CERS4: variants seen among roughly 807,000 people sequenced by gnomAD.
CERS4 encodes LAG1 homolog, ceramide synthase 4.
In CERS4, 65 loss-of-function variants were observed where a neutral mutation model predicts 51.8. The ratio of observed to expected loss-of-function variants is 1.26; its 90% CI spans 1.03 to 1.54. The LOEUF (loss-of-function observed/expected upper bound fraction) is 1.54. Among genes scored for constraint, CERS4 ranks in the 40% most tolerant of loss-of-function variants. CERS4 has a pLI of 0.00. For synonymous variants in CERS4, 228 were observed against 208.4 expected (o/e 1.09, Z -0.81); for missense variants, 563 against 500.4 (o/e 1.13, Z -1.19).
intron 2 of CERS4, among the ~76,000 whole-genome samples, chr19:8,213,764 G>A (rs1042879104): frequency 6.6e-6 from 1 of 151,950 alleles, no homozygotes; most frequent in African/African-American, 2.4e-5. Flanking sequence ...TCAGGAGTTC[G>A]AGACCAGCCT....
intron 2 of CERS4, among the ~76,000 whole-genome samples, chr19:8,240,042 T>C (rs1968457731): frequency 6.6e-6 from 1 of 152,016 alleles, no homozygotes; most frequent in South Asian, 2.1e-4. Context: ...GTGGCCTCTT[T>C]GGTGGTAGTC....
At chr19:8,254,244 A>G (rs1461840229) in intron 3 of CERS4, among the ~76,000 whole-genome samples, 1 of 135,364 alleles carries the variant, frequency 7.4e-6, no homozygotes, top group Non-Finnish European at 1.6e-5. Flanking sequence ...AATGGCGTGA[A>G]CCCGGGAGGC....
intron 10 of CERS4, among the ~76,000 whole-genome samples, chr19:8,260,453 G>A (rs1333268417): frequency 1.0e-4 from 15 of 144,916 alleles, no homozygotes; most frequent in African/African-American, 3.0e-4. Flanking sequence ...TGATCCACCC[G>A]CCTCCACCTC....
At chr19:8,237,750 C>G (rs1968331142) in intron 2 of CERS4, among the ~76,000 whole-genome samples, 1 of 152,040 alleles carries the variant, frequency 6.6e-6, no homozygotes, top group Non-Finnish European at 1.5e-5. Flanking sequence ...ACTCAGGAGG[C>G]TGAGGCAGGA....
At chr19:8,232,004 T>A (rs1181914857) in intron 2 of CERS4, among the ~76,000 whole-genome samples, 2 of 151,272 alleles carry the variant, frequency 1.3e-5, no homozygotes, top group African/African-American at 4.9e-5. Flanking sequence ...TTTCTTTTTT[T>A]TTTTTGGTAG....
At chr19:8,219,708 A>T (rs1163801570) in intron 2 of CERS4, among the ~76,000 whole-genome samples, 2 of 151,964 alleles carry the variant, frequency 1.3e-5, no homozygotes, top group African/African-American at 4.8e-5. Context: ...AACTCCAGCT[A>T]CTCAGGAGGC....
chr19:8,214,358 C>T (rs1967203333), intron 2 of CERS4: 1 of 152,388 alleles, frequency 6.6e-6, no homozygotes, highest in Non-Finnish European at 1.5e-5. Flanking sequence ...GAGCTGATGT[C>T]CCCGCAGGGA....
At chr19:8,241,781 T>G (rs1430889051) in intron 2 of CERS4, among the ~76,000 whole-genome samples, 1 of 151,746 alleles carries the variant, frequency 6.6e-6, no homozygotes, top group Non-Finnish European at 1.5e-5. Flanking sequence ...CAGCATGGAG[T>G]GTTTATAAAC....
At chr19:8,217,773 G>T (rs190071893) in intron 2 of CERS4, among the ~76,000 whole-genome samples, 53 of 152,052 alleles carry the variant, frequency 3.5e-4, no homozygotes, top group Non-Finnish European at 6.6e-4. Context: ...TCCTGACCTC[G>T]TGATCCGCCC....
intron 2 of CERS4, among the ~76,000 whole-genome samples, chr19:8,245,412 G>A (rs1350837016): frequency 1.3e-5 from 2 of 151,362 alleles, no homozygotes; most frequent in South Asian, 2.1e-4. Context: ...CACCTTGCCC[G>A]GCTAATTTTT....
chr19:8,262,103 C>T lies in CERS4; in HGVS notation c.1179C>T (p.Ala393=). Reference sequence around the variant, plus strand: ...GTCTGACCAACAGGCACACAACAGCCACATAGCCGGGCGGGGCTGGCTGTA... The same window carrying T: ...GTCTGACCAACAGGCACACAACAGCTACATAGCCGGGCGGGGCTGGCTGTA... ...AGRLTNRHTT[A]T Residue 393 remains alanine (A), a synonymous_variant, in exon 12 of 12, where the codon GCC becomes GCT. Transcript: ENST00000251363. 3 of 1,485,732 alleles carry T rather than the reference C, an allele frequency of 2.0e-6. No homozygotes were observed. Among genetic ancestry groups the T allele is most frequent in the Non-Finnish European group, 2.7e-6 (3 of 1,121,856 alleles). 92.0% of individuals were successfully genotyped at this position (1,485,732 alleles called of 1,614,324 possible).
At chr19:8,212,447 C>T (rs902245383) in intron 2 of CERS4, among the ~76,000 whole-genome samples, 5 of 152,046 alleles carry the variant, frequency 3.3e-5, no homozygotes, top group Admixed American at 1.3e-4. Flanking sequence ...GCTAGACACC[C>T]AGGTGGTACG....
At chr19:8,225,986 A>G (rs1967771684) in intron 2 of CERS4, among the ~76,000 whole-genome samples, 2 of 151,982 alleles carry the variant, frequency 1.3e-5, no homozygotes, top group African/African-American at 4.8e-5. Flanking sequence ...ATTTAAGTAC[A>G]GGAGTTCAAG....
In CERS4 at chr19:8,255,666, G is replaced by A; in HGVS notation, c.351G>A (p.Trp117Ter). 1 of 1,613,216 alleles carries A rather than the reference G, an allele frequency of 6.2e-7. No individual in the cohort carries two copies. Among genetic ancestry groups the A allele is most frequent in the African/African-American group, 1.3e-5 (1 of 75,006 alleles). The change falls in exon 5 of 12, where the codon TGG becomes TGA. Residue 117 changes from tryptophan (W) to a stop codon, truncating the protein, a stop_gained. Transcript: ENST00000251363. LOFTEE classifies it high-confidence loss of function. ...CGLTLQQTQR[W>*]FRRRRNQDRP... Reference sequence around the variant, plus strand: ...TCACGCTGCAGCAGACCCAGCGATGGTTCCGGAGACGCCGGAACCAGGATC... The same window carrying A: ...TCACGCTGCAGCAGACCCAGCGATGATTCCGGAGACGCCGGAACCAGGATC...
chr19:8,239,443 C>T (rs892542774), intron 2 of CERS4: 1 of 152,118 alleles, frequency 6.6e-6, no homozygotes, highest in African/African-American at 2.4e-5. Context: ...GCATGATTAG[C>T]TTCTAGTACC....
intron 3 of CERS4, among the ~76,000 whole-genome samples, chr19:8,252,075 A>AAT (rs1390025565): frequency 2.0e-5 from 3 of 151,726 alleles, no homozygotes; most frequent in African/African-American, 7.2e-5. Context: ...AAAAAAAAAA[A>AAT]AATACAAAAA....
intron 2 of CERS4, among the ~76,000 whole-genome samples, chr19:8,229,161 C>G (rs1327084395): frequency 6.6e-6 from 1 of 151,948 alleles, no homozygotes; most frequent in Non-Finnish European, 1.5e-5. Flanking sequence ...CCCATCTCTA[C>G]AAAAAATTAA....
chr19:8,221,223 C>T (rs1967527520), intron 2 of CERS4, among the ~76,000 whole-genome samples: 1 of 151,972 alleles, frequency 6.6e-6, no homozygotes, highest in Non-Finnish European at 1.5e-5. Context: ...CCCACCCCAG[C>T]CTCCCAAAGT....
chr19:8,244,717 C>T (rs138208621), intron 2 of CERS4, among the ~76,000 whole-genome samples: 47 of 152,240 alleles, frequency 3.1e-4, no homozygotes, highest in African/African-American at 1.1e-3. Context: ...CAACGGAACC[C>T]TCACATTCTC....
Sources: allele counts gnomAD v4.1 joint callset (sites outside exome capture counted in the v4.1 genomes callset), GRCh38; gene constraint gnomAD v4.1.1; transcripts MANE v1.5; gene names NCBI Gene and HGNC (gene_info 2026-07-23, HGNC 2026-07-21).